Variants in PBX1 observed in about 807,000 individuals in gnomAD.
PBX1 encodes pre-B-cell leukemia transcription factor 1.
Under a neutral mutation model 53.4 loss-of-function variants are expected in PBX1, and 6 were observed. The ratio of observed to expected loss-of-function variants is 0.11; its 90% CI spans 0.06 to 0.22. The LOEUF (loss-of-function observed/expected upper bound fraction) is 0.22. PBX1 is among the 10% of genes least tolerant of loss of function. The pLI, the probability that PBX1 is intolerant of heterozygous loss-of-function variation, is 1.00. For missense variants in PBX1, 251 were observed against 551.4 expected (o/e 0.46, Z 5.46); for synonymous variants, 204 against 212.3 (o/e 0.96, Z 0.34).
downstream of PBX1, chr1:164,851,844 T>C (rs370133655): frequency 1.3e-4 from 22 of 169,612 alleles, no homozygotes; most frequent in East Asian, 2.2e-3. Context: ...TTGTATTTTG[T>C]GCACATTTCT....
intron 2 of PBX1, among the ~76,000 whole-genome samples, chr1:164,866,068 G>A (rs188890301): frequency 2.0e-5 from 3 of 152,242 alleles, no homozygotes; most frequent in African/African-American, 7.2e-5. Flanking sequence ...AGTACTCTAA[G>A]CTTCCAGTTC....
intron 2 of PBX1, among the ~76,000 whole-genome samples, chr1:164,618,270 G>T (rs1365808189): frequency 7.6e-6 from 1 of 131,338 alleles, no homozygotes; most frequent in Non-Finnish European, 1.6e-5. Context: ...ATTCTAAGTT[G>T]ACTTACCCCA....
intron 2 of PBX1, among the ~76,000 whole-genome samples, chr1:164,645,389 T>C (rs1400619735): frequency 6.6e-6 from 1 of 152,122 alleles, no homozygotes; most frequent in Non-Finnish European, 1.5e-5. Flanking sequence ...CTGTTCCCAA[T>C]GCACTAGGGA....
chr1:164,751,103 G>A (rs1666187858), intron 2 of PBX1, among the ~76,000 whole-genome samples: 1 of 152,008 alleles, frequency 6.6e-6, no homozygotes, highest in African/African-American at 2.4e-5. Flanking sequence ...ATCACTTGAG[G>A]TCAGGAGTTC....
chr1:164,617,233 G>T (rs979511965), intron 2 of PBX1, among the ~76,000 whole-genome samples: 10 of 152,178 alleles, frequency 6.6e-5, no homozygotes, highest in Non-Finnish European at 5.9e-5. Flanking sequence ...GCCCCCATTT[G>T]AGTCTGTTAG....
intron 2 of PBX1, among the ~76,000 whole-genome samples, chr1:164,742,130 G>T (rs1366395095): frequency 6.6e-6 from 1 of 152,212 alleles, no homozygotes; most frequent in South Asian, 2.1e-4. Flanking sequence ...CTGCAGATTA[G>T]GGAAACCTGT....
intron 8 of PBX1, among the ~76,000 whole-genome samples, chr1:164,824,606 T>TC (rs557017612): frequency 4.4e-4 from 67 of 152,288 alleles, no homozygotes; most frequent in African/African-American, 1.5e-3. Flanking sequence ...CACTTTTTTT[T>TC]CTCTTCTGAT....
chr1:164,865,391 A>G (rs772893271), intron 2 of PBX1, among the ~76,000 whole-genome samples: 2 of 152,220 alleles, frequency 1.3e-5, no homozygotes, highest in Non-Finnish European at 2.9e-5. Flanking sequence ...CAGCTGGATA[A>G]GAAATCACCA....
chr1:164,823,285 G>A (rs984890345), intron 8 of PBX1, among the ~76,000 whole-genome samples: 1 of 152,110 alleles, frequency 6.6e-6, no homozygotes, highest in Non-Finnish European at 1.5e-5. Context: ...AGCCATTGTG[G>A]GAAAGTGTAT....
intron 2 of PBX1, among the ~76,000 whole-genome samples, chr1:164,634,565 T>TTG (rs1166935299): frequency 5.3e-5 from 8 of 152,184 alleles, no homozygotes; most frequent in African/African-American, 1.9e-4. Context: ...ACAATGCTCT[T>TTG]TGGGTTTCGT....
At chr1:164,824,669 C>T (rs910375483) in intron 8 of PBX1, among the ~76,000 whole-genome samples, 8 of 151,988 alleles carry the variant, frequency 5.3e-5, no homozygotes, top group African/African-American at 1.9e-4. Context: ...CTAAAGACCC[C>T]CTTCCTTAGC....
chr1:164,602,146 G>A (rs1397248998), intron 2 of PBX1, among the ~76,000 whole-genome samples: 1 of 152,176 alleles, frequency 6.6e-6, no homozygotes, highest in African/African-American at 2.4e-5. Context: ...GTGGCCTTGG[G>A]AGAAAAGCTG....
At chr1:164,693,994 C>A (rs996505326) in intron 2 of PBX1, among the ~76,000 whole-genome samples, 7 of 152,142 alleles carry the variant, frequency 4.6e-5, no homozygotes, top group Non-Finnish European at 8.8e-5. Context: ...CAGGTCCCAC[C>A]TCCATGAAAC....
chr1:164,767,292 A>G (rs895032535), intron 2 of PBX1, among the ~76,000 whole-genome samples: 4 of 152,224 alleles, frequency 2.6e-5, no homozygotes, highest in Non-Finnish European at 5.9e-5. Context: ...AGATGGCGTC[A>G]TCAGAGCATG....
At chr1:164,819,998 C>T (rs867875913) in intron 6 of PBX1, 74 bp from the exon 7 acceptor site, 3 of 822,246 alleles carry the variant, frequency 3.6e-6, no homozygotes, top group Non-Finnish European at 6.2e-6. Flanking sequence ...TGTCATTCTT[C>T]CTCTTGGCTG....
Position 164,621,672 on chromosome 1 carries a change from C to T in PBX1, c.265+58361C>T, listed in dbSNP as rs112866985. 8.3e-3 allele frequency among the ~76,000 whole-genome samples: 1,263 copies of T among 152,260 alleles called. 24 individuals are homozygous for T. The highest frequency in any genetic ancestry group is 0.029 in the African/African-American group (1,196 of 41,540). ...TTTGGCCATAATTAAGAATCATTCA[C>T]GTCCAGGGTGCACATTTAGCCAATG... On this transcript the variant is annotated intron_variant, in intron 2 of 8. Coordinates refer to ENST00000420696, the MANE Select transcript of PBX1 (RefSeq NM_002585.4).
At chr1:164,754,541 G>A (rs1410398479) in intron 2 of PBX1, among the ~76,000 whole-genome samples, 1 of 152,258 alleles carries the variant, frequency 6.6e-6, no homozygotes, top group Non-Finnish European at 1.5e-5. Flanking sequence ...CAACCTGTCT[G>A]TGGGTTTCAA....
At chr1:164,790,488 G>GT (rs1668444053) in intron 2 of PBX1, among the ~76,000 whole-genome samples, 1 of 152,046 alleles carries the variant, frequency 6.6e-6, no homozygotes, top group African/African-American at 2.4e-5. Context: ...TGCGTCTAGG[G>GT]TGCAGGCTTC....
chr1:164,860,949 A>G (rs374065720), intron 2 of PBX1, among the ~76,000 whole-genome samples: 15 of 152,112 alleles, frequency 9.9e-5, no homozygotes, highest in African/African-American at 3.6e-4. Flanking sequence ...GAAAATACAG[A>G]GAGAAGGGGT....
Sources: allele counts gnomAD v4.1 joint callset (sites outside exome capture counted in the v4.1 genomes callset), GRCh38; gene constraint gnomAD v4.1.1; transcripts MANE v1.5; gene names NCBI Gene and HGNC (gene_info 2026-07-23, HGNC 2026-07-21).